The following CDC14A variants were observed in gnomAD, a reference collection of about 807,000 sequenced individuals.
CDC14A encodes the protein dual specificity protein phosphatase CDC14A.
Under a neutral mutation model 74.4 loss-of-function variants are expected in CDC14A, and 53 were observed. The observed-to-expected ratio is 0.71, with a 90% CI of 0.57 to 0.89. The LOEUF is 0.89. CDC14A is among the 40% of genes least tolerant of loss of function. The pLI, the probability that CDC14A is intolerant of heterozygous loss-of-function variation, is 0.00. For missense variants in CDC14A, 646 were observed against 713.7 expected (o/e 0.91, Z 1.08); for synonymous variants, 247 against 258.4 (o/e 0.96, Z 0.43).
intron 4 of CDC14A, among the ~76,000 whole-genome samples, chr1:100,410,891 T>C (rs1350150804): frequency 6.6e-6 from 1 of 152,220 alleles, no homozygotes; most frequent in Admixed American, 6.5e-5. Flanking sequence ...TTGGTTGATC[T>C]AGACCTCAGG....
intron 1 of CDC14A, among the ~76,000 whole-genome samples, chr1:100,346,967 T>C (rs1650482216): frequency 1.3e-5 from 2 of 152,214 alleles, no homozygotes; most frequent in Admixed American, 1.3e-4. Flanking sequence ...ATTGAAATTT[T>C]TATAGAAGCC....
intron 8 of CDC14A, among the ~76,000 whole-genome samples, chr1:100,457,992 A>G (rs1407905108): frequency 6.6e-6 from 1 of 152,222 alleles, no homozygotes; most frequent in Non-Finnish European, 1.5e-5. Context: ...AATAAGTTAT[A>G]AGTGTCAAAA....
chr1:100,407,734 C>T (rs1170670385), intron 4 of CDC14A, among the ~76,000 whole-genome samples: 2 of 152,124 alleles, frequency 1.3e-5, no homozygotes, highest in African/African-American at 2.4e-5. Flanking sequence ...ACTTCCAATA[C>T]TATGTTGAAT....
intron 15 of CDC14A, among the ~76,000 whole-genome samples, chr1:100,516,515 T>C (rs1650240002): frequency 6.6e-6 from 1 of 152,094 alleles, no homozygotes; most frequent in Admixed American, 6.6e-5. Context: ...GGAACAAAAG[T>C]AAAAGTTAAA....
chr1:100,490,157 T>C (rs1670471166), intron 11 of CDC14A, among the ~76,000 whole-genome samples: 1 of 152,250 alleles, frequency 6.6e-6, no homozygotes, highest in Non-Finnish European at 1.5e-5. Context: ...TCTTATGACC[T>C]GGTACATCTT....
chr1:100,498,274 T>G, intron 14 of CDC14A, 67 bp downstream of exon 14: 1 of 1,554,602 alleles, frequency 6.4e-7, no homozygotes, highest in Non-Finnish European at 8.8e-7. Flanking sequence ...AGGCGATGAG[T>G]TTAGCTGCAG....
chr1:100,436,311 A>T (rs1664335814), intron 5 of CDC14A, among the ~76,000 whole-genome samples: 1 of 152,172 alleles, frequency 6.6e-6, no homozygotes, highest in Non-Finnish European at 1.5e-5. Context: ...TCTTAAATGG[A>T]CTTTCAATCT....
chr1:100,485,025 A>G (rs1669885228), intron 11 of CDC14A: 2 of 985,296 alleles, frequency 2.0e-6, no homozygotes, highest in Middle Eastern at 5.2e-4. Context: ...TTCTAACCTC[A>G]GTGTCAAACA....
At chr1:100,500,396 C>T (rs1322368937) in intron 15 of CDC14A, among the ~76,000 whole-genome samples, 1 of 152,110 alleles carries the variant, frequency 6.6e-6, no homozygotes, top group Non-Finnish European at 1.5e-5. Context: ...GTATGGCCCA[C>T]TCAGCAAAAC....
rs149592082 is a variant in CDC14A, at chr1:100,501,801, G to A, written c.1755+2539G>A. 4.6e-3 allele frequency among the ~76,000 whole-genome samples: 707 copies of A among 152,282 alleles called. 5 individuals are homozygous for A. Among genetic ancestry groups the A allele is most frequent in the African/African-American group, 0.016 (677 of 41,548 alleles). On this transcript the variant is annotated intron_variant, in intron 15 of 15. Coordinates refer to ENST00000336454, the MANE Select transcript of CDC14A (RefSeq NM_003672.4). ...AGTGGGACAAGATGTGGAGGTGGAAGACAGTGATATTGATTATCCTGACCT... is the reference window on the plus strand; with the variant it reads ...AGTGGGACAAGATGTGGAGGTGGAAAACAGTGATATTGATTATCCTGACCT...
intron 4 of CDC14A, among the ~76,000 whole-genome samples, chr1:100,413,386 G>A (rs1158696598): frequency 6.6e-6 from 1 of 152,138 alleles, no homozygotes; most frequent in Non-Finnish European, 1.5e-5. Flanking sequence ...TGGCTTTTGT[G>A]TTAGAAGTTT....
At chr1:100,470,248 C>T (rs1668261325) in intron 10 of CDC14A, among the ~76,000 whole-genome samples, 2 of 151,758 alleles carry the variant, frequency 1.3e-5, no homozygotes, top group African/African-American at 4.8e-5. Context: ...AAGTTTAGTA[C>T]CCATTTTTAA....
At chr1:100,367,985 A>G (rs935418387) in intron 2 of CDC14A, among the ~76,000 whole-genome samples, 1 of 152,190 alleles carries the variant, frequency 6.6e-6, no homozygotes, top group Non-Finnish European at 1.5e-5. Flanking sequence ...TTATGTTCCA[A>G]GTCCCAACTG....
At chr1:100,460,748 G>T (rs1667233279) in intron 8 of CDC14A, among the ~76,000 whole-genome samples, 1 of 152,196 alleles carries the variant, frequency 6.6e-6, no homozygotes, top group South Asian at 2.1e-4. Flanking sequence ...AATAAGCTCT[G>T]TTTTACCTGT....
At chr1:100,380,144 A>G (rs1459238874) in intron 3 of CDC14A, among the ~76,000 whole-genome samples, 2 of 152,264 alleles carry the variant, frequency 1.3e-5, no homozygotes, top group African/African-American at 4.8e-5. Flanking sequence ...CAGTTCTTCT[A>G]CAAAATCGAT....
intron 7 of CDC14A, among the ~76,000 whole-genome samples, chr1:100,451,724 G>A (rs1666160648): frequency 6.6e-6 from 1 of 152,178 alleles, no homozygotes; most frequent in Admixed American, 6.5e-5. Flanking sequence ...CATGTTCAAA[G>A]TGTAATGTGA....
At chr1:100,405,746 A>G (rs2101024101) in intron 4 of CDC14A, among the ~76,000 whole-genome samples, 1 of 152,308 alleles carries the variant, frequency 6.6e-6, no homozygotes, top group Non-Finnish European at 1.5e-5. Context: ...TCCATGGTGT[A>G]TATGTACCAC....
chr1:100,485,483 G>A, intron 11 of CDC14A: 1 of 201,642 alleles, frequency 5.0e-6, no homozygotes, highest in Non-Finnish European at 8.8e-6. Flanking sequence ...GAGGATGTTT[G>A]AGCCCAGTGG....
intron 8 of CDC14A, among the ~76,000 whole-genome samples, chr1:100,457,588 A>G (rs1240073759): frequency 2.7e-5 from 4 of 150,370 alleles, no homozygotes; most frequent in African/African-American, 9.8e-5. Flanking sequence ...CCTCCCAAGT[A>G]GCTGGGACTA....
Sources: allele counts gnomAD v4.1 joint callset (sites outside exome capture counted in the v4.1 genomes callset), GRCh38; gene constraint gnomAD v4.1.1; transcripts MANE v1.5; gene names NCBI Gene and HGNC (gene_info 2026-07-23, HGNC 2026-07-21).